The following CTTNBP2 variants were observed in gnomAD, a reference collection of about 807,000 sequenced individuals.
CTTNBP2 encodes the protein cortactin binding protein 2.
Under a neutral mutation model 156.9 loss-of-function variants are expected in CTTNBP2, and 108 were observed. The ratio of observed to expected loss-of-function variants is 0.69; its 90% CI spans 0.59 to 0.81. The LOEUF is 0.81. Among genes scored for constraint, CTTNBP2 ranks in the 30% least tolerant of loss-of-function variants. The pLI, the probability that CTTNBP2 is intolerant of heterozygous loss-of-function variation, is 0.00. For synonymous variants in CTTNBP2, 767 were observed against 751.8 expected (o/e 1.02, Z -0.33); for missense variants, 1,924 against 2,035.4 (o/e 0.95, Z 1.05).
At chr7:117,721,957 T>C (rs1794815416) in intron 19 of CTTNBP2, among the ~76,000 whole-genome samples, 1 of 152,238 alleles carries the variant, frequency 6.6e-6, no homozygotes, top group South Asian at 2.1e-4. Context: ...AATATTAATG[T>C]TGTCAACACA....
At chr7:117,711,885 A>C in intron 22 of CTTNBP2, 103 bp from the exon 23 acceptor site, 2 of 1,154,292 alleles carry the variant, frequency 1.7e-6, no homozygotes, top group South Asian at 3.4e-5. Flanking sequence ...TTCTCTCTAA[A>C]ACTATAGGTT....
chr7:117,715,174 T>TG (rs1241194602), intron 22 of CTTNBP2, among the ~76,000 whole-genome samples: 1 of 151,872 alleles, frequency 6.6e-6, no homozygotes, highest in Non-Finnish European at 1.5e-5. Context: ...AAGGTGGCAT[T>TG]GGGGGTGAGT....
At chr7:117,740,968 A>T (rs1795978716) in intron 14 of CTTNBP2, among the ~76,000 whole-genome samples, 1 of 152,182 alleles carries the variant, frequency 6.6e-6, no homozygotes, top group Admixed American at 6.5e-5. Flanking sequence ...GGTGAACTGC[A>T]GCAGGACAAG....
chr7:117,839,214 C>T (rs1468654996), intron 2 of CTTNBP2, among the ~76,000 whole-genome samples: 1 of 152,124 alleles, frequency 6.6e-6, no homozygotes, highest in African/African-American at 2.4e-5. Context: ...GATAAGCACC[C>T]AGTCATCAAG....
intron 2 of CTTNBP2, among the ~76,000 whole-genome samples, chr7:117,821,273 A>G (rs189592123): frequency 6.6e-6 from 1 of 152,000 alleles, no homozygotes; most frequent in Admixed American, 6.5e-5. Flanking sequence ...TAAAAGTGCT[A>G]AGTGCTTTTC....
At chr7:117,805,681 C>A (rs1487080119) in intron 3 of CTTNBP2, among the ~76,000 whole-genome samples, 1 of 152,064 alleles carries the variant, frequency 6.6e-6, no homozygotes, top group Admixed American at 6.6e-5. Context: ...TTGGCTCTTT[C>A]CTATATTTTT....
chr7:117,818,567 A>G (rs1800762208), intron 2 of CTTNBP2, among the ~76,000 whole-genome samples: 1 of 152,208 alleles, frequency 6.6e-6, no homozygotes, highest in African/African-American at 2.4e-5. Flanking sequence ...TGAAATGGAC[A>G]CTGCCCCTCC....
At chr7:117,862,520 C>T (rs7807677) in intron 1 of CTTNBP2, among the ~76,000 whole-genome samples, 85,355 of 151,932 alleles carry the variant, frequency 0.56, 24,460 homozygotes, top group African/African-American at 0.62. Context: ...CTCTGGCATT[C>T]GTTTTAGAGA....
intron 2 of CTTNBP2, among the ~76,000 whole-genome samples, chr7:117,831,145 T>A (rs769989893): frequency 6.6e-6 from 1 of 152,216 alleles, no homozygotes; most frequent in Non-Finnish European, 1.5e-5. Flanking sequence ...CCAACAACTC[T>A]GTCGTTATCC....
chr7:117,820,494 G>A (rs1165567223), intron 2 of CTTNBP2, among the ~76,000 whole-genome samples: 1 of 152,156 alleles, frequency 6.6e-6, no homozygotes, highest in African/African-American at 2.4e-5. Context: ...ATTTTCTCCT[G>A]GAAGTTGCAT....
intron 2 of CTTNBP2, among the ~76,000 whole-genome samples, chr7:117,853,586 T>C (rs1169860924): frequency 6.6e-6 from 1 of 152,160 alleles, no homozygotes; most frequent in Non-Finnish European, 1.5e-5. Flanking sequence ...TATTTTCAGA[T>C]CACATGGAAT....
At chr7:117,821,874 G>T (rs1485755274) in intron 2 of CTTNBP2, among the ~76,000 whole-genome samples, 1 of 152,142 alleles carries the variant, frequency 6.6e-6, no homozygotes, top group African/African-American at 2.4e-5. Flanking sequence ...ACAGGCGTGA[G>T]CCACCGCGCC....
chr7:117,852,572 A>G (rs1198695213), intron 2 of CTTNBP2, among the ~76,000 whole-genome samples: 1 of 152,212 alleles, frequency 6.6e-6, no homozygotes, highest in Non-Finnish European at 1.5e-5. Context: ...TTTTGGTATA[A>G]TTAATAAGAA....
chr7:117,817,831 C>G (rs1240815107), intron 2 of CTTNBP2, among the ~76,000 whole-genome samples: 1 of 152,050 alleles, frequency 6.6e-6, no homozygotes, highest in East Asian at 1.9e-4. Context: ...CAGGAGATAG[C>G]CATTATTTTA....
rs777092650 is a variant in CTTNBP2, at chr7:117,718,048, A to G, written c.4716T>C (p.Ile1572=). The change falls in exon 22 of 23, where the codon ATT becomes ATC. Residue 1572 remains isoleucine, a synonymous_variant. Coordinates refer to ENST00000160373, the MANE Select transcript of CTTNBP2 (RefSeq NM_033427.3). The part of the protein sequence containing the change: ...SGNNPVLSAT[I]NNLRMPVSQK... Reference sequence around the variant, plus strand: ...GTGACACTGGCATTCTCAGATTATTAATAGTTGCTGAAAGTACAGGGTTGT... The same window carrying G: ...GTGACACTGGCATTCTCAGATTATTGATAGTTGCTGAAAGTACAGGGTTGT... The G allele has an allele frequency of 2.3e-5, 37 of 1,611,546 alleles. No homozygotes were observed. The highest frequency in any genetic ancestry group is 3.0e-5 in the Non-Finnish European group (35 of 1,177,878).
rs1252130662 is a variant in CTTNBP2, at chr7:117,792,841, A to C, written c.415-60T>G. The C allele has an allele frequency of 2.5e-6, 3 of 1,218,940 alleles. No homozygotes were observed. The African/African-American group carries it at 4.6e-5, about 19-fold the overall frequency. 75.5% of individuals were successfully genotyped at this position (1,218,940 alleles called of 1,614,324 possible). A position where few individuals can be genotyped will look rare whatever the true frequency, so the allele number is the denominator to read the frequency against. On this transcript the variant is annotated intron_variant, in intron 3 of 22. Transcript: ENST00000160373. This position sits in a 1 kb window ranked among gnomAD's most constrained non-coding sequence, Gnocchi z 4.2. The stretch of plus-strand genomic sequence containing the variant: ...TACAGAATTTTCTTTTCACCAAGGA[A>C]ATGCTTTTTGTGAGATTTTTATTAA...
At chr7:117,850,003 A>G (rs1584546541) in intron 2 of CTTNBP2, among the ~76,000 whole-genome samples, 1 of 152,234 alleles carries the variant, frequency 6.6e-6, no homozygotes, top group African/African-American at 2.4e-5. Context: ...ACCTACTTCC[A>G]GGGATACTCA....
rs776837687 is a variant in CTTNBP2 at position 117,792,331 on chromosome 7, G to A, written c.865C>T (p.Arg289Cys). ...GTTCCCACAGATATGGAAACCAAAC[G>A]CCTATCTTTTGTCTTCCGTGGAAGA... The part of the protein sequence containing the change: ...LSLPRKTKDR[R>C]LVSISVGTEG... The change falls in exon 4 of 23, where the codon CGT becomes TGT. Residue 289 changes from arginine (R) to cysteine (C), a missense_variant. Physicochemically the swap from Arg to Cys is radical, Grantham distance 180 (BLOSUM62 -3). Transcript: ENST00000160373. The surrounding 1 kb of genome is among the most constrained non-coding windows in gnomAD (Gnocchi z 4.2). 18 of 1,613,992 alleles carry A rather than the reference G, an allele frequency of 1.1e-5. No individual in the cohort carries two copies. Among genetic ancestry groups the A allele is most frequent in the Middle Eastern group, 1.6e-4 (1 of 6,084 alleles).
At chr7:117,802,444 AAAAAAAAAAAAAAC>A (rs556559146) in intron 3 of CTTNBP2, among the ~76,000 whole-genome samples, 2,382 of 147,304 alleles carry the variant, frequency 0.016, 18 homozygotes, top group South Asian at 0.031. Context: ...TGGCAAAAAA[AAAAAAAAAAAAAAC>A]AAAAACAAAC....
Sources: allele counts gnomAD v4.1 joint callset (sites outside exome capture counted in the v4.1 genomes callset), GRCh38; gene constraint gnomAD v4.1.1; non-coding constraint Gnocchi (gnomAD v3.1); transcripts MANE v1.5; gene names NCBI Gene and HGNC (gene_info 2026-07-23, HGNC 2026-07-21).